Variants in TENM4 observed in about 807,000 individuals in gnomAD.
TENM4 encodes the protein teneurin-4.
TENM4 carries 82 observed loss-of-function variants against 243.3 expected under a neutral mutation model. The ratio of observed to expected loss-of-function variants is 0.34; its 90% CI spans 0.28 to 0.40. The LOEUF is 0.40. TENM4 is among the 10% of genes least tolerant of loss of function. The pLI, the probability that TENM4 is intolerant of heterozygous loss-of-function variation, is 1.00. For synonymous variants in TENM4, 1,412 were observed against 1,456.3 expected, an observed-to-expected ratio of 0.97 and a Z score of 0.69; for missense variants, 3,138 against 3,673.3, an observed-to-expected ratio of 0.85 and a Z score of 3.77.
At chr11:79,170,489 T>C (rs942691795) in intron 3 of TENM4, among the ~76,000 whole-genome samples, 1 of 152,214 alleles carries the variant, frequency 6.6e-6, no homozygotes, top group Non-Finnish European at 1.5e-5. Context: ...TTAGTTTAGT[T>C]AGGATGAGGT....
intron 1 of TENM4, among the ~76,000 whole-genome samples, chr11:79,335,412 G>C (rs371354713): frequency 1.3e-4 from 20 of 152,334 alleles, no homozygotes; most frequent in African/African-American, 4.6e-4. Flanking sequence ...TTGCTATAAG[G>C]CAGGTTGATT....
intron 1 of TENM4, among the ~76,000 whole-genome samples, chr11:79,433,308 T>C (rs548656511): frequency 8.7e-4 from 133 of 152,274 alleles, no homozygotes; most frequent in Non-Finnish European, 1.6e-3. Flanking sequence ...AGAATCTGCA[T>C]CTTAACAAGA....
At chr11:78,906,529 TTAAG>T (rs1326944303) in intron 6 of TENM4, among the ~76,000 whole-genome samples, 4 of 152,220 alleles carry the variant, frequency 2.6e-5, no homozygotes, top group Non-Finnish European at 5.9e-5. Flanking sequence ...TGATGAAATT[TTAAG>T]TAAGATCACT....
At chr11:78,899,232 T>C (rs1855870350) in intron 7 of TENM4, among the ~76,000 whole-genome samples, 2 of 151,942 alleles carry the variant, frequency 1.3e-5, no homozygotes, top group Non-Finnish European at 2.9e-5. Flanking sequence ...GGAAGCCTAT[T>C]TGGAGAGGCC....
Position 79,226,666 on chromosome 11 carries a change from T to C in TENM4, c.-264-10757A>G, listed in dbSNP as rs538152965. Among the ~76,000 whole-genome samples the C allele has an allele frequency of 9.8e-5, 15 of 152,308 alleles. No individual in the cohort carries two copies. The South Asian group carries it at 3.1e-3, about 32-fold the overall frequency. ...AGATCCTAGCTCTTCTCTGAAGGAC[T>C]AGGGACAGCAATGATACTCCTGAGC... On this transcript the variant is annotated intron_variant, in intron 2 of 33. Transcript: ENST00000278550.
chr11:79,058,315 G>A (rs888886597), intron 6 of TENM4, among the ~76,000 whole-genome samples: 5 of 152,012 alleles, frequency 3.3e-5, no homozygotes, highest in African/African-American at 7.2e-5. Context: ...AGGCTGAGAC[G>A]GGCAGATCAT....
intron 3 of TENM4, among the ~76,000 whole-genome samples, chr11:79,157,332 C>T (rs574313051): frequency 9.2e-5 from 14 of 152,268 alleles, no homozygotes; most frequent in East Asian, 1.9e-4. Flanking sequence ...ACACCCTGGG[C>T]GGCTGTCCTC....
At chr11:78,950,863 C>G (rs1173990051) in intron 6 of TENM4, among the ~76,000 whole-genome samples, 3 of 152,268 alleles carry the variant, frequency 2.0e-5, no homozygotes, top group African/African-American at 7.2e-5. Flanking sequence ...ACACTCTTAG[C>G]TCTTCTGCTC....
intron 6 of TENM4, chr11:79,064,507 G>T: frequency 1.8e-6 from 1 of 568,778 alleles, no homozygotes; most frequent in Non-Finnish European, 3.1e-6. Context: ...CAGAGACTTA[G>T]GCGCCTCCCT....
intron 6 of TENM4, among the ~76,000 whole-genome samples, chr11:79,026,721 C>G (rs1859089701): frequency 6.6e-6 from 1 of 152,178 alleles, no homozygotes; most frequent in Non-Finnish European, 1.5e-5. Context: ...TTCAATCACT[C>G]CTTGTTAGGT....
At position 79,334,031 on chromosome 11, in the gene TENM4, T is replaced by C. The variant is rs115913142; in HGVS notation, c.-320-36488A>G. 3.6e-3 allele frequency among the ~76,000 whole-genome samples: 549 copies of C among 152,330 alleles called. 3 individuals carry two copies. The highest frequency in any genetic ancestry group is 0.013 in the African/African-American group (528 of 41,578). On this transcript the variant is annotated intron_variant, in intron 1 of 33. Transcript: ENST00000278550. ...ATTCTGCCTTTTCTAGCACACAGAA[T>C]GATCGTCTAAGTCATCTGTAGTTCA...
chr11:78,801,028 T>A (rs1484302677), intron 15 of TENM4, among the ~76,000 whole-genome samples: 3 of 152,172 alleles, frequency 2.0e-5, no homozygotes, highest in African/African-American at 7.2e-5. Flanking sequence ...TGGTACATGC[T>A]AAATACTAAG....
At chr11:79,065,095 G>A (rs1860210497) in intron 5 of TENM4, 88 bp from the exon 6 acceptor site, 2 of 1,413,004 alleles carry the variant, frequency 1.4e-6, no homozygotes, top group Non-Finnish European at 9.3e-7. Flanking sequence ...CTTACCCCAG[G>A]GCTCACTGTC....
At chr11:79,220,744 C>G (rs1465781085) in intron 2 of TENM4, among the ~76,000 whole-genome samples, 1 of 152,188 alleles carries the variant, frequency 6.6e-6, no homozygotes, top group Non-Finnish European at 1.5e-5. Flanking sequence ...TTCCACCAGA[C>G]TGGGAGCTCC....
In TENM4 at chr11:79,329,545, T is replaced by C. The variant is rs377092669; in HGVS notation, c.-320-32002A>G. ...AGGTAAGTAGACAGGAGGACTTGTC[T>C]ATGCTGGGGGTGGTAGTCAAGGAAG... is the stretch of plus-strand genomic sequence containing the variant. On this transcript the variant is annotated intron_variant, in intron 1 of 33. Coordinates refer to ENST00000278550, the MANE Select transcript of TENM4 (RefSeq NM_001098816.3). 3.9e-5 allele frequency among the ~76,000 whole-genome samples: 6 copies of C among 152,298 alleles called. No individual in the cohort carries two copies. In the East Asian group the frequency reaches 1.2e-3, roughly 29 times the overall value.
At chr11:78,865,647 A>C (rs900010294) in intron 9 of TENM4, among the ~76,000 whole-genome samples, 5 of 152,200 alleles carry the variant, frequency 3.3e-5, no homozygotes, top group African/African-American at 1.2e-4. Flanking sequence ...AGGAGACTGG[A>C]GCACAGCATA....
At chr11:78,715,013 G>C (rs942204800) in intron 25 of TENM4, among the ~76,000 whole-genome samples, 2 of 152,162 alleles carry the variant, frequency 1.3e-5, no homozygotes, top group Non-Finnish European at 2.9e-5. Context: ...GTTCTGCTTC[G>C]TGCCTTCTAG....
intron 3 of TENM4, among the ~76,000 whole-genome samples, chr11:79,153,685 A>G (rs1389760961): frequency 4.6e-5 from 7 of 152,162 alleles, no homozygotes; most frequent in African/African-American, 1.4e-4. Flanking sequence ...AGCATCTGCC[A>G]TGTACGAGGC....
chr11:78,957,417 T>C (rs568078328), intron 6 of TENM4, among the ~76,000 whole-genome samples: 3 of 152,352 alleles, frequency 2.0e-5, no homozygotes, highest in Admixed American at 1.3e-4. Context: ...CAATTTTGCT[T>C]TCTGATTTCA....
Sources: allele counts gnomAD v4.1 joint callset (sites outside exome capture counted in the v4.1 genomes callset), GRCh38; gene constraint gnomAD v4.1.1; transcripts MANE v1.5; gene names NCBI Gene and HGNC (gene_info 2026-07-23, HGNC 2026-07-21).